The following CDH8 variants were observed in gnomAD, a reference collection of about 807,000 sequenced individuals.
CDH8 encodes the protein cadherin 8.
In CDH8, 17 loss-of-function variants were observed where a neutral mutation model predicts 68.1. That is an observed-to-expected ratio of 0.25 (90% CI 0.17 to 0.37). The LOEUF (loss-of-function observed/expected upper bound fraction) is 0.37. CDH8 is among the 10% of genes least tolerant of loss of function. The probability of loss-of-function intolerance (pLI) is 1.00; values close to 1 mark genes in which losing one functional copy is unlikely to be tolerated. For missense variants in CDH8, 763 were observed against 999.3 expected (o/e 0.76, Z 3.19); for synonymous variants, 372 against 365.1 (o/e 1.02, Z -0.21).
chr16:61,963,212 G>C (rs1456085296), intron 2 of CDH8, among the ~76,000 whole-genome samples: 1 of 151,972 alleles, frequency 6.6e-6, no homozygotes, highest in Non-Finnish European at 1.5e-5. Context: ...TGGTGGGGAG[G>C]GGGGAGACAA....
chr16:61,945,934 G>A (rs913188361), intron 2 of CDH8, among the ~76,000 whole-genome samples: 3 of 152,142 alleles, frequency 2.0e-5, no homozygotes, highest in Non-Finnish European at 2.9e-5. Context: ...GCTGTAAAAT[G>A]TGAAAAGAAA....
chr16:62,011,763 G>T (rs1321870646), intron 2 of CDH8, among the ~76,000 whole-genome samples: 1 of 152,130 alleles, frequency 6.6e-6, no homozygotes, highest in Admixed American at 6.5e-5. Flanking sequence ...TGCTGCTGGT[G>T]GTCTGCAGAC....
At chr16:61,704,258 G>T (rs551061503) in intron 10 of CDH8, among the ~76,000 whole-genome samples, 38 of 152,090 alleles carry the variant, frequency 2.5e-4, no homozygotes, top group Admixed American at 7.2e-4. Flanking sequence ...CAAATAAATA[G>T]CTTTACAAAA....
chr16:61,845,795 C>A (rs572502725), intron 4 of CDH8, among the ~76,000 whole-genome samples: 1 of 152,114 alleles, frequency 6.6e-6, no homozygotes, highest in South Asian at 2.1e-4. Context: ...TAGATTCTGC[C>A]CATGAGAACT....
At chr16:61,916,786 C>T (rs1055746136) in intron 2 of CDH8, among the ~76,000 whole-genome samples, 1 of 151,952 alleles carries the variant, frequency 6.6e-6, no homozygotes, top group African/African-American at 2.4e-5. Flanking sequence ...TATTTACTTT[C>T]AATATTGGTG....
intron 3 of CDH8, among the ~76,000 whole-genome samples, chr16:61,899,732 G>A (rs994163346): frequency 6.6e-6 from 1 of 152,060 alleles, no homozygotes; most frequent in Non-Finnish European, 1.5e-5. Context: ...AGAAATGCCT[G>A]AGAATAACTT....
intron 2 of CDH8, among the ~76,000 whole-genome samples, chr16:62,000,596 G>C (rs1965878938): frequency 6.6e-6 from 1 of 152,174 alleles, no homozygotes; most frequent in Non-Finnish European, 1.5e-5. Context: ...ATGTTACACA[G>C]ATATCTCAAC....
chr16:61,772,820 C>T (rs1960811633), intron 8 of CDH8, among the ~76,000 whole-genome samples: 1 of 152,016 alleles, frequency 6.6e-6, no homozygotes, highest in South Asian at 2.1e-4. Context: ...GCAAGCTATG[C>T]TTTAACAAGC....
chr16:61,792,191 A>G (rs1001517251), intron 7 of CDH8, among the ~76,000 whole-genome samples: 1 of 152,032 alleles, frequency 6.6e-6, no homozygotes, highest in African/African-American at 2.4e-5. Context: ...CATTTTTTAA[A>G]GTTCCAGATC....
intron 2 of CDH8, among the ~76,000 whole-genome samples, chr16:61,992,966 A>G (rs1018846703): frequency 2.8e-4 from 43 of 151,970 alleles, no homozygotes; most frequent in African/African-American, 1.0e-3. Flanking sequence ...GTGTGTGTGT[A>G]TGGAGGTGGG....
intron 2 of CDH8, among the ~76,000 whole-genome samples, chr16:62,006,622 T>C (rs1477963367): frequency 2.0e-5 from 3 of 152,210 alleles, no homozygotes; most frequent in African/African-American, 7.2e-5. Flanking sequence ...ACCTCCCTTG[T>C]TCTTTACTGA....
At chr16:61,664,376 A>T (rs749877990) in intron 10 of CDH8, among the ~76,000 whole-genome samples, 7 of 152,052 alleles carry the variant, frequency 4.6e-5, no homozygotes, top group Non-Finnish European at 8.8e-5. Context: ...ACTTCCGAGT[A>T]ACAAATAACC....
At position 61,920,998 on chromosome 16, in the gene CDH8, A is replaced by T. The variant is rs370939396; in HGVS notation, c.253-19525T>A. Among the ~76,000 whole-genome samples, 30 of 148,526 alleles carry T rather than the reference A, an allele frequency of 2.0e-4. 2 individuals carry two copies. Among genetic ancestry groups the T allele is most frequent in the Middle Eastern group, 6.9e-3 (2 of 290 alleles). On this transcript the variant is annotated intron_variant, in intron 2 of 11. Coordinates refer to ENST00000577390, the MANE Select transcript of CDH8 (RefSeq NM_001796.5). ...AAATCATCATTCTCAGTAAACTATC[A>T]CAAGAACAAAAAACCAAACACCGCA...
At position 61,951,615 on chromosome 16, in the gene CDH8, C is replaced by T. The variant is rs966056213; in HGVS notation, c.253-50142G>A. 2.6e-5 allele frequency among the ~76,000 whole-genome samples: 4 copies of T among 151,976 alleles called. No homozygotes were observed. The South Asian group carries it at 6.2e-4, about 24-fold the overall frequency. On this transcript the variant is annotated intron_variant, in intron 2 of 11. Transcript: ENST00000577390. ...AAACTGTCCTAGGTTATTCAACTAG[C>T]GTGAAAATACTGGGATTCCTTTTTT...
intron 8 of CDH8, among the ~76,000 whole-genome samples, chr16:61,788,333 C>A (rs1961288681): frequency 6.6e-6 from 1 of 152,124 alleles, no homozygotes; most frequent in East Asian, 1.9e-4. Flanking sequence ...GGGCATATTT[C>A]CTATAATTAT....
In CDH8 at chr16:61,655,957, T is replaced by C. The variant is rs574311742; in HGVS notation, c.1655-236A>G. On this transcript the variant is annotated intron_variant, in intron 10 of 11. Transcript: ENST00000577390. Reference sequence around the variant, plus strand: ...GCGCTATCTCGGCTCACTGCAAGCTTCGCCTCCCGGGTTCACGCCATTCTC... The same window carrying C: ...GCGCTATCTCGGCTCACTGCAAGCTCCGCCTCCCGGGTTCACGCCATTCTC... 5.3e-3 allele frequency among the ~76,000 whole-genome samples: 797 copies of C among 151,402 alleles called. 2 individuals carry two copies. Among genetic ancestry groups the C allele is most frequent in the Non-Finnish European group, 8.1e-3 (547 of 67,820 alleles).
chr16:61,878,890 T>C (rs1963512999), intron 3 of CDH8, among the ~76,000 whole-genome samples: 1 of 152,172 alleles, frequency 6.6e-6, no homozygotes, highest in South Asian at 2.1e-4. Context: ...CCAGACCACA[T>C]GCTGTCTGCT....
chr16:62,026,275 C>G (rs573329623), intron 1 of CDH8, among the ~76,000 whole-genome samples: 1 of 152,320 alleles, frequency 6.6e-6, no homozygotes, highest in East Asian at 1.9e-4. Context: ...CAAATATTAA[C>G]GTGCATCCAA....
At chr16:61,750,854 T>C (rs903572257) in intron 8 of CDH8, among the ~76,000 whole-genome samples, 1 of 152,092 alleles carries the variant, frequency 6.6e-6, no homozygotes, top group South Asian at 2.1e-4. Flanking sequence ...TATATGAGAA[T>C]AAAAAGATTC....
Sources: allele counts gnomAD v4.1 joint callset (sites outside exome capture counted in the v4.1 genomes callset), GRCh38; gene constraint gnomAD v4.1.1; transcripts MANE v1.5; gene names NCBI Gene and HGNC (gene_info 2026-07-23, HGNC 2026-07-21).